Variants in MAPRE2 observed in about 807,000 individuals in gnomAD.
The protein encoded by MAPRE2 is microtubule-associated protein RP/EB family member 2.
Under a neutral mutation model 43.2 loss-of-function variants are expected in MAPRE2, and 13 were observed. The ratio of observed to expected loss-of-function variants is 0.30; its 90% CI spans 0.20 to 0.48. The LOEUF (loss-of-function observed/expected upper bound fraction) is 0.48. Among genes scored for constraint, MAPRE2 ranks in the 20% least tolerant of loss-of-function variants. MAPRE2 has a pLI of 0.99. For missense variants in MAPRE2, 161 were observed against 400.2 expected, an observed-to-expected ratio of 0.40 and a Z score of 5.10; for synonymous variants, 135 against 148.8, an observed-to-expected ratio of 0.91 and a Z score of 0.68.
intron 6 of MAPRE2, among the ~76,000 whole-genome samples, chr18:35,134,703 G>T (rs913463563): frequency 6.6e-6 from 1 of 152,142 alleles, no homozygotes; most frequent in Non-Finnish European, 1.5e-5. Context: ...AAATTTTTAC[G>T]TGGGTTTTCT....
At chr18:35,064,235 C>CT (rs1906718691) in intron 1 of MAPRE2, among the ~76,000 whole-genome samples, 1 of 151,748 alleles carries the variant, frequency 6.6e-6, no homozygotes, top group African/African-American at 2.4e-5. Flanking sequence ...ACATTAAACC[C>CT]TTTTCCTTAT....
chr18:34,978,363 A>T, intron 1 of MAPRE2: 2 of 721,218 alleles, frequency 2.8e-6, no homozygotes, highest in South Asian at 3.3e-5. Flanking sequence ...TTCCTTGATT[A>T]GCATAGTATC....
At chr18:35,070,444 A>G (rs1907053260) in intron 2 of MAPRE2, 122 bp downstream of exon 2, 1 of 827,654 alleles carries the variant, frequency 1.2e-6, no homozygotes, top group South Asian at 2.6e-5. Context: ...ATTGGCATGT[A>G]ATTAAAGGGG....
intron 4 of MAPRE2, among the ~76,000 whole-genome samples, chr18:35,119,061 T>C (rs1909554516): frequency 6.6e-6 from 1 of 152,202 alleles, no homozygotes; most frequent in South Asian, 2.1e-4. Context: ...TGTTGGCTTC[T>C]GTGAAGAATG....
rs1400777282 is a variant in MAPRE2, at chr18:35,141,187, A to G, written c.*818A>G. 1.3e-5 allele frequency: 2 copies of G among 152,198 alleles called. No individual in the cohort carries two copies. 9.4% of individuals were successfully genotyped at this position (152,198 alleles called of 1,614,324 possible). A position where few individuals can be genotyped will look rare whatever the true frequency, so the allele number is the denominator to read the frequency against. ...GGCAGCCACTCCCCGAGATGTTGCC[A>G]TCAGTTTTCTGCAGTCCAAAGAGGG... On this transcript the variant is annotated 3_prime_UTR_variant, in exon 7 of 7. Transcript: ENST00000300249.
intron 1 of MAPRE2, among the ~76,000 whole-genome samples, chr18:35,069,486 T>C (rs190614481): frequency 9.9e-5 from 15 of 152,262 alleles, no homozygotes; most frequent in African/African-American, 3.6e-4. Flanking sequence ...TAGGCTAGGA[T>C]GGGATTGACA....
chr18:35,041,329 G>T (rs1333546329), upstream of MAPRE2: 1 of 1,428,038 alleles, frequency 7.0e-7, no homozygotes, highest in Non-Finnish European at 9.1e-7. Context: ...GGCTGGCCAC[G>T]TGACCAGGGT....
intron 4 of MAPRE2, among the ~76,000 whole-genome samples, chr18:35,104,105 A>T (rs1271520855): frequency 6.6e-6 from 1 of 152,200 alleles, no homozygotes; most frequent in South Asian, 2.1e-4. Context: ...GAGAACAAAA[A>T]CCGTAGGAAA....
At chr18:35,014,536 T>C (rs899722090) in intron 2 of MAPRE2, among the ~76,000 whole-genome samples, 1 of 152,134 alleles carries the variant, frequency 6.6e-6, no homozygotes, top group African/African-American at 2.4e-5. Context: ...GGACTAATGC[T>C]TTATTTCTTT....
At position 35,141,250 on chromosome 18, in the gene MAPRE2, CCTCTTT is replaced by C. The variant is rs1377504033; in HGVS notation, c.*882_*887del. The C allele has an allele frequency of 1.3e-5, 2 of 152,192 alleles. No individual in the cohort carries two copies. Among genetic ancestry groups the C allele is most frequent in the Admixed American group, 1.3e-4 (2 of 15,272 alleles). 9.4% of individuals were successfully genotyped at this position (152,192 alleles called of 1,614,324 possible). A position where few individuals can be genotyped will look rare whatever the true frequency, so the allele number is the denominator to read the frequency against. ...CGGGTCTTCCTGCCTCATTCCTCTT[CCTCTTT>C]GTGTAGGTTTCAGCCACAAAACTGT... On this transcript the variant is annotated 3_prime_UTR_variant, in exon 7 of 7. Coordinates refer to ENST00000300249, the MANE Select transcript of MAPRE2 (RefSeq NM_014268.4).
At chr18:35,081,592 A>G (rs912985718) in intron 2 of MAPRE2, among the ~76,000 whole-genome samples, 29 of 152,260 alleles carry the variant, frequency 1.9e-4, no homozygotes, top group African/African-American at 5.8e-4. Flanking sequence ...ATTGGTGTAG[A>G]TGAAAGCTAG....
At chr18:35,089,688 G>A (rs536787528) in intron 2 of MAPRE2, among the ~76,000 whole-genome samples, 158 of 152,188 alleles carry the variant, frequency 1.0e-3, no homozygotes, top group Non-Finnish European at 1.7e-3. Flanking sequence ...TCTGTTGCTG[G>A]TAGAAATATA....
intron 1 of MAPRE2, among the ~76,000 whole-genome samples, chr18:35,053,302 G>T (rs1603394853): frequency 6.6e-6 from 1 of 152,120 alleles, no homozygotes; most frequent in South Asian, 2.1e-4. Context: ...GCTGAGGCAG[G>T]AGAATCACTT....
At chr18:35,138,305 A>C (rs1910479403) in intron 6 of MAPRE2, among the ~76,000 whole-genome samples, 1 of 152,202 alleles carries the variant, frequency 6.6e-6, no homozygotes, top group Non-Finnish European at 1.5e-5. Flanking sequence ...AGGAAGACAC[A>C]TGATGTGATC....
intron 6 of MAPRE2, among the ~76,000 whole-genome samples, chr18:35,137,243 A>T (rs547021993): frequency 6.6e-6 from 1 of 152,352 alleles, no homozygotes; most frequent in Non-Finnish European, 1.5e-5. Context: ...CTGCAGATGC[A>T]TGACATCACA....
chr18:35,029,332 G>A (rs529454166), intron 2 of MAPRE2, among the ~76,000 whole-genome samples: 3 of 152,218 alleles, frequency 2.0e-5, no homozygotes, highest in South Asian at 2.1e-4. Flanking sequence ...ACACGCTGTC[G>A]AGGAGCCATC....
At chr18:35,031,554 T>A (rs1054069756) in intron 2 of MAPRE2, among the ~76,000 whole-genome samples, 1 of 152,240 alleles carries the variant, frequency 6.6e-6, no homozygotes, top group African/African-American at 2.4e-5. Flanking sequence ...CTCTGAGTAT[T>A]TTTAAATTGC....
At chr18:34,982,345 C>A (rs982144659) in intron 1 of MAPRE2, among the ~76,000 whole-genome samples, 1 of 152,040 alleles carries the variant, frequency 6.6e-6, no homozygotes, top group Non-Finnish European at 1.5e-5. Context: ...TTAGTTCCAC[C>A]ACCCATAGAA....
At chr18:35,104,415 A>C (rs1466164575) in intron 4 of MAPRE2, among the ~76,000 whole-genome samples, 4 of 151,984 alleles carry the variant, frequency 2.6e-5, no homozygotes, top group Non-Finnish European at 5.9e-5. Context: ...TCAGGAAATA[A>C]GATTGGAAGG....
Sources: gnomAD v4.1 joint callset for allele counts (sites outside exome capture counted in the v4.1 genomes callset) on GRCh38, gnomAD v4.1.1 for gene constraint, MANE v1.5 for transcripts, NCBI Gene and HGNC (gene_info 2026-07-23, HGNC 2026-07-21) for gene names.